FCMR: variants seen among roughly 807,000 people sequenced by gnomAD.
FCMR encodes immunoglobulin mu Fc receptor.
In FCMR, 34 loss-of-function variants were observed where a neutral mutation model predicts 41.6. That is an observed-to-expected ratio of 0.82 (90% CI 0.62 to 1.09). The LOEUF (loss-of-function observed/expected upper bound fraction) is 1.09. Ranked by LOEUF, FCMR falls within the 50% of genes least tolerant of loss-of-function variation. The pLI, the probability that FCMR is intolerant of heterozygous loss-of-function variation, is 0.00. For synonymous variants in FCMR, 209 were observed against 211.8 expected (o/e 0.99, Z 0.12); for missense variants, 496 against 512.5 (o/e 0.97, Z 0.31).
intron 1 of FCMR, among the ~76,000 whole-genome samples, chr1:206,920,712 A>T (rs1471146019): frequency 6.6e-6 from 1 of 152,200 alleles, no homozygotes; most frequent in Admixed American, 6.5e-5. Flanking sequence ...TTAGAAGTCA[A>T]GTTTAAGAAA....
Position 206,914,064 on chromosome 1 carries a change from A to C in FCMR, c.68T>G (p.Val23Gly). The change falls in exon 2 of 8, where the codon GTA becomes GGA. Residue 23 changes from valine (V) to glycine (G), a missense_variant. Transcript: ENST00000367091. ...VSGALRILPEVKVEGELGGSV... is the reference protein window; with the variant it reads ...VSGALRILPEGKVEGELGGSV... ...TCCGCCCAGCTCCCCCTCTACCTTT[A>C]CTTCTGGGAGGATCCTCAGGGCCCC... is the stretch of plus-strand genomic sequence containing the variant. The C allele has an allele frequency of 6.2e-7, 1 of 1,613,914 alleles. No individual in the cohort carries two copies. Among genetic ancestry groups the C allele is most frequent in the Non-Finnish European group, 8.5e-7 (1 of 1,179,934 alleles).
At chr1:206,917,137 G>T (rs1404831176) in intron 1 of FCMR, among the ~76,000 whole-genome samples, 2 of 152,142 alleles carry the variant, frequency 1.3e-5, no homozygotes, top group Non-Finnish European at 2.9e-5. Context: ...TACATGATTG[G>T]AAAATGGGAA....
chr1:206,903,584 GT>G lies in FCMR; in HGVS notation c.*1434del. 1 of 154,642 alleles carries G rather than the reference GT, an allele frequency of 6.5e-6. No individual in the cohort carries two copies. The highest frequency in any genetic ancestry group is 2.0e-4 in the South Asian group (1 of 5,014). The allele number at this position is 154,642 out of a possible 1,614,324, so 9.6% of individuals were successfully genotyped here. A position where few individuals can be genotyped will look rare whatever the true frequency, so the allele number is the denominator to read the frequency against. On this transcript the variant is annotated 3_prime_UTR_variant, in exon 8 of 8. Transcript: ENST00000367091. ...ATATCTGCAGGGACAGAGCATTGGG[GT>G]GGGGGTAAGGTGCATCTGTTTGAAA...
intron 1 of FCMR, among the ~76,000 whole-genome samples, chr1:206,920,671 T>A (rs888424312): frequency 6.6e-6 from 1 of 152,076 alleles, no homozygotes; most frequent in African/African-American, 2.4e-5. Flanking sequence ...GTAGGAGTCA[T>A]TAGAGGTTCT....
rs941596509 is a variant in FCMR at position 206,904,629 on chromosome 1, C to G, written c.*390G>C. ...AAGACCCAACCCTGGGAAGGATGCC[C>G]GAGACAATAGCTATGCCTCTGCCCC... is the stretch of plus-strand genomic sequence containing the variant. On this transcript the variant is annotated 3_prime_UTR_variant, in exon 8 of 8. Transcript: ENST00000367091. 1 of 227,350 alleles carries G rather than the reference C, an allele frequency of 4.4e-6. No homozygotes were observed. The highest frequency in any genetic ancestry group is 8.9e-6 in the Non-Finnish European group (1 of 112,548). The allele number at this position is 227,350 out of a possible 1,614,324, so 14.1% of individuals were successfully genotyped here. A position where few individuals can be genotyped will look rare whatever the true frequency, so the allele number is the denominator to read the frequency against.
At chr1:206,917,947 C>T in intron 1 of FCMR, 2 of 389,684 alleles carry the variant, frequency 5.1e-6, no homozygotes, top group Non-Finnish European at 1.0e-5. Flanking sequence ...CCTCAGTTGA[C>T]CTTTGCCTCC....
chr1:206,915,245 G>T (rs1429618275), intron 1 of FCMR, among the ~76,000 whole-genome samples: 2 of 152,178 alleles, frequency 1.3e-5, no homozygotes, highest in Non-Finnish European at 2.9e-5. Flanking sequence ...GAGAGAGATC[G>T]CATGGGGTTC....
In FCMR at chr1:206,909,392, G is replaced by A. The variant is rs2102549474; in HGVS notation, c.1044+70C>T. On this transcript the variant is annotated intron_variant, in intron 7 of 7. Coordinates refer to ENST00000367091, the MANE Select transcript of FCMR (RefSeq NM_005449.5). The surrounding 1 kb of genome is among the most constrained non-coding windows in gnomAD (Gnocchi z 5.0). Reference sequence around the variant, plus strand: ...GGCGGCGGCGCGGGAAGCCACACTCGGGTCCCCGCCCAGGGCTGGGGCCGC... The same window carrying A: ...GGCGGCGGCGCGGGAAGCCACACTCAGGTCCCCGCCCAGGGCTGGGGCCGC... The A allele has an allele frequency of 3.1e-6, 3 of 983,512 alleles. No homozygotes were observed. The highest frequency in any genetic ancestry group is 1.0e-4 in the South Asian group (2 of 19,922). 60.9% of individuals were successfully genotyped at this position (983,512 alleles called of 1,614,324 possible).
intron 1 of FCMR, among the ~76,000 whole-genome samples, chr1:206,917,277 C>T (rs1679233640): frequency 1.3e-5 from 2 of 152,108 alleles, no homozygotes; most frequent in African/African-American, 4.8e-5. Context: ...ACCTAGTCAA[C>T]TCAAATAAGA....
chr1:206,911,998 A>T (rs370082138), intron 3 of FCMR, 46 bp from the exon 4 acceptor site: 1 of 1,431,688 alleles, frequency 7.0e-7, no homozygotes, highest in Admixed American at 1.9e-5. Context: ...TATACACTCT[A>T]TTCTCCAACA....
rs929539458 is a variant in FCMR at position 206,909,520 on chromosome 1, C to G, written c.986G>C (p.Gly329Ala). ...PRRARGADAA[G>A]TGEAPVPGPG... ...GCCGGGAACGGGGGCCTCCCCTGTG[C>G]CTAGGGAACAGCGAGGGCGAGGTGA... Residue 329 changes from glycine (G) to alanine (A), a missense_variant and splice_region_variant, in exon 7 of 8, where the codon GGC becomes GCC. Transcript: ENST00000367091. The surrounding 1 kb of genome is among the most constrained non-coding windows in gnomAD (Gnocchi z 5.0). 8.3e-6 allele frequency: 11 copies of G among 1,324,418 alleles called. No homozygotes were observed. The African/African-American group carries it at 1.7e-4, about 20-fold the overall frequency. The allele number at this position is 1,324,418 out of a possible 1,614,324, so 82.0% of individuals were successfully genotyped here.
At chr1:206,905,229 TG>T (rs982716763) in intron 7 of FCMR, 82 bp from the exon 8 acceptor site, 3 of 1,513,274 alleles carry the variant, frequency 2.0e-6, no homozygotes, top group Non-Finnish European at 2.7e-6. Flanking sequence ...TAGTGGGCAA[TG>T]GGGCATGGAC....
At chr1:206,908,361 G>C (rs559107891) in intron 7 of FCMR, 8 of 587,242 alleles carry the variant, frequency 1.4e-5, no homozygotes, top group African/African-American at 1.3e-4. Flanking sequence ...AGGAAGCTGG[G>C]AGCAAGGAAA....
At chr1:206,922,559 C>T (rs1165110415), upstream of FCMR, among the ~76,000 whole-genome samples, 3 of 152,346 alleles carry the variant, frequency 2.0e-5, no homozygotes, top group East Asian at 5.8e-4. Flanking sequence ...TCACATAGCT[C>T]CCCAGCACCT....
chr1:206,912,037 A>C, intron 3 of FCMR, 85 bp from the exon 4 acceptor site: 1 of 1,036,748 alleles, frequency 9.6e-7, no homozygotes, highest in Non-Finnish European at 1.4e-6. Context: ...TTTCCACAAC[A>C]TACCCTTCCC....
intron 1 of FCMR, among the ~76,000 whole-genome samples, chr1:206,919,806 A>G (rs576041558): frequency 6.6e-6 from 1 of 151,942 alleles, no homozygotes; most frequent in Admixed American, 6.5e-5. Flanking sequence ...TCCCCACCAA[A>G]TCCTCTCTTC....
chr1:206,912,787 T>G (rs1679000627), intron 3 of FCMR, 142 bp downstream of exon 3: 9 of 644,026 alleles, frequency 1.4e-5, no homozygotes, highest in Admixed American at 2.1e-5. Context: ...GTATGTGCCC[T>G]CTCTAAAGGC....
intron 1 of FCMR, chr1:206,921,318 TG>T: frequency 2.8e-6 from 1 of 360,896 alleles, no homozygotes; most frequent in Non-Finnish European, 5.7e-6. Context: ...AGTTAACACC[TG>T]GCTGGGCACA....
At chr1:206,907,195 C>G (rs1462574139) in intron 7 of FCMR, among the ~76,000 whole-genome samples, 2 of 149,482 alleles carry the variant, frequency 1.3e-5, no homozygotes, top group African/African-American at 4.9e-5. Context: ...CCACGATTGA[C>G]CAGCTGGGGA....
Sources: gnomAD v4.1 joint callset for allele counts (sites outside exome capture counted in the v4.1 genomes callset) on GRCh38, gnomAD v4.1.1 for gene constraint, Gnocchi (gnomAD v3.1) non-coding constraint, MANE v1.5 for transcripts, NCBI Gene and HGNC (gene_info 2026-07-23, HGNC 2026-07-21) for gene names.